CENPH: variants seen among roughly 807,000 people sequenced by gnomAD.
CENPH encodes centromere protein H.
CENPH carries 40 observed loss-of-function variants against 42.9 expected under a neutral mutation model. The ratio of observed to expected loss-of-function variants is 0.93; its 90% CI spans 0.72 to 1.21. CENPH has a LOEUF of 1.21. Among genes scored for constraint, CENPH ranks in the 50% most tolerant of loss-of-function variants. The pLI is 0.00. For synonymous variants in CENPH, 88 were observed against 96.5 expected, an observed-to-expected ratio of 0.91 and a Z score of 0.52; for missense variants, 302 against 292.9, an observed-to-expected ratio of 1.03 and a Z score of -0.23.
intron 5 of CENPH, among the ~76,000 whole-genome samples, chr5:69,199,559 G>C (rs1197634253): frequency 6.6e-6 from 1 of 152,200 alleles, no homozygotes; most frequent in East Asian, 1.9e-4. Flanking sequence ...AGAGGAGTTA[G>C]TCAATAGGAA....
intron 7 of CENPH, among the ~76,000 whole-genome samples, chr5:69,204,022 T>TA (rs1401015452): frequency 0.079 from 5,411 of 68,808 alleles, 489 homozygotes; most frequent in African/African-American, 0.13. Context: ...TATATATAAA[T>TA]TATATATATA....
intron 7 of CENPH, among the ~76,000 whole-genome samples, chr5:69,205,849 C>T (rs1460349859): frequency 6.6e-6 from 1 of 151,332 alleles, no homozygotes; most frequent in African/African-American, 2.4e-5. Context: ...GCTGGGACTA[C>T]AGGCACCCGC....
At chr5:69,199,172 G>GTGTTT (rs375761083) in intron 5 of CENPH, among the ~76,000 whole-genome samples, 1 of 151,960 alleles carries the variant, frequency 6.6e-6, no homozygotes, top group South Asian at 2.1e-4. Context: ...AATTAAGGAG[G>GTGTTT]TGTTTTGTTT....
intron 7 of CENPH, among the ~76,000 whole-genome samples, chr5:69,206,316 G>C (rs941259427): frequency 7.3e-5 from 11 of 150,910 alleles, no homozygotes; most frequent in Non-Finnish European, 1.2e-4. Flanking sequence ...CGAGTAGCTG[G>C]GATTACAAGC....
chr5:69,200,919 G>A (rs889613483), intron 5 of CENPH, among the ~76,000 whole-genome samples: 3 of 150,890 alleles, frequency 2.0e-5, no homozygotes, highest in Admixed American at 1.3e-4. Flanking sequence ...TGTATTTTTA[G>A]TAGAGATGGG....
At position 69,189,600 on chromosome 5, in the gene CENPH, G is replaced by A. The variant is rs762374826; in HGVS notation, c.-35G>A. ...AAAGCGACCTTTTCTGAGCGCGTTT[G>A]CCTGTTGAGTGGTAGCCTTTCCCCT... On this transcript the variant is annotated 5_prime_UTR_variant, in exon 1 of 9. Coordinates refer to ENST00000283006, the MANE Select transcript of CENPH (RefSeq NM_022909.4). 1.0e-5 allele frequency: 16 copies of A among 1,552,798 alleles called. No homozygotes were observed. Among genetic ancestry groups the A allele is most frequent in the East Asian group, 7.3e-5 (3 of 41,338 alleles).
intron 3 of CENPH, among the ~76,000 whole-genome samples, chr5:69,195,292 C>A (rs1747946758): frequency 6.6e-6 from 1 of 152,158 alleles, no homozygotes; most frequent in African/African-American, 2.4e-5. Context: ...TCTCAAACTC[C>A]TGGCCTCAAG....
intron 5 of CENPH, among the ~76,000 whole-genome samples, chr5:69,198,046 G>T (rs1193217700): frequency 6.8e-6 from 1 of 147,396 alleles, no homozygotes; most frequent in South Asian, 2.2e-4. Flanking sequence ...TCAGCCTCCC[G>T]AGCAGCTGGG....
chr5:69,199,781 G>A (rs571258295), intron 5 of CENPH, among the ~76,000 whole-genome samples: 9 of 152,278 alleles, frequency 5.9e-5, no homozygotes, highest in African/African-American at 1.7e-4. Flanking sequence ...CATCAGTTCT[G>A]TGGGACAATT....
intron 7 of CENPH, among the ~76,000 whole-genome samples, chr5:69,203,374 A>AT (rs35193763): frequency 1.3e-5 from 2 of 150,870 alleles, no homozygotes; most frequent in African/African-American, 4.9e-5. Flanking sequence ...TTAATATGGT[A>AT]TTTTTTTTTG....
intron 8 of CENPH, 27 bp downstream of exon 8, chr5:69,208,386 T>C: frequency 6.7e-7 from 1 of 1,484,710 alleles, no homozygotes. Context: ...CTAGCAAGAG[T>C]TTTAATCTTG....
chr5:69,201,755 A>G (rs946615802), intron 5 of CENPH, among the ~76,000 whole-genome samples: 2 of 152,196 alleles, frequency 1.3e-5, no homozygotes, highest in African/African-American at 4.8e-5. Context: ...GCTGCTTCTG[A>G]GGCTGAGGCA....
At chr5:69,191,498 C>T (rs995715325) in intron 1 of CENPH, among the ~76,000 whole-genome samples, 2 of 152,134 alleles carry the variant, frequency 1.3e-5, no homozygotes, top group African/African-American at 4.8e-5. Flanking sequence ...GGCAAGAGTG[C>T]AAGACTCCGT....
intron 4 of CENPH, among the ~76,000 whole-genome samples, chr5:69,196,572 G>C (rs1043079955): frequency 1.3e-5 from 2 of 152,152 alleles, no homozygotes; most frequent in African/African-American, 4.8e-5. Flanking sequence ...TTAAACCCAG[G>C]AGGCAGAGGT....
At chr5:69,195,838 T>C in intron 4 of CENPH, 47 bp downstream of exon 4, 1 of 903,910 alleles carries the variant, frequency 1.1e-6, no homozygotes, top group Non-Finnish European at 1.8e-6. Context: ...GACTGCAAAA[T>C]GGGTATGAGG....
intron 7 of CENPH, among the ~76,000 whole-genome samples, chr5:69,205,440 G>T (rs1429471987): frequency 6.6e-6 from 1 of 151,898 alleles, no homozygotes; most frequent in Non-Finnish European, 1.5e-5. Flanking sequence ...TGTCCAGGCT[G>T]GTCTCGAACT....
chr5:69,192,990 G>A (rs865812316), intron 2 of CENPH, among the ~76,000 whole-genome samples: 4 of 25,288 alleles, frequency 1.6e-4, no homozygotes, highest in African/African-American at 2.9e-4. Context: ...CAGCTACTCG[G>A]GGAGGCTGAG....
chr5:69,201,926 C>T (rs1748065941), intron 5 of CENPH, among the ~76,000 whole-genome samples: 2 of 152,110 alleles, frequency 1.3e-5, no homozygotes, highest in African/African-American at 4.8e-5. Context: ...CTTTGGGTAA[C>T]AATGATGTGT....
intron 5 of CENPH, among the ~76,000 whole-genome samples, chr5:69,199,395 G>A (rs1183818925): frequency 6.6e-6 from 1 of 152,130 alleles, no homozygotes; most frequent in Non-Finnish European, 1.5e-5. Context: ...GGCTGGTCGC[G>A]AACTGCTGAG....
Sources: allele counts gnomAD v4.1 joint callset (sites outside exome capture counted in the v4.1 genomes callset), GRCh38; gene constraint gnomAD v4.1.1; transcripts MANE v1.5; gene names NCBI Gene and HGNC (gene_info 2026-07-23, HGNC 2026-07-21).